The following AKAP6 variants were observed in gnomAD, a reference collection of about 807,000 sequenced individuals.
AKAP6 encodes A-kinase anchor protein 6.
Under a neutral mutation model 188.5 loss-of-function variants are expected in AKAP6, and 58 were observed. The ratio of observed to expected loss-of-function variants is 0.31; its 90% CI spans 0.25 to 0.38. The LOEUF (loss-of-function observed/expected upper bound fraction) is 0.38. AKAP6 is among the 10% of genes least tolerant of loss of function. AKAP6 has a pLI of 1.00. For missense variants in AKAP6, 2,710 were observed against 2,740.0 expected (o/e 0.99, Z 0.24); for synonymous variants, 989 against 998.6 (o/e 0.99, Z 0.18).
chr14:32,570,863 C>T (rs547833907), intron 4 of AKAP6, among the ~76,000 whole-genome samples: 2 of 152,272 alleles, frequency 1.3e-5, no homozygotes, highest in South Asian at 4.1e-4. Context: ...TAGTTCTTCT[C>T]TTCTGATTCC....
intron 4 of AKAP6, among the ~76,000 whole-genome samples, chr14:32,559,760 G>A (rs1209151941): frequency 1.3e-5 from 2 of 151,646 alleles, no homozygotes. Context: ...GTTGCGGTTG[G>A]GAGGTAGTCC....
intron 1 of AKAP6, among the ~76,000 whole-genome samples, chr14:32,406,849 C>A (rs970789020): frequency 6.6e-6 from 1 of 152,110 alleles, no homozygotes; most frequent in African/African-American, 2.4e-5. Context: ...AGTGTCTTAT[C>A]CTTACAGATT....
At chr14:32,563,563 C>T (rs150862809) in intron 4 of AKAP6, among the ~76,000 whole-genome samples, 1 of 152,172 alleles carries the variant, frequency 6.6e-6, no homozygotes, top group Non-Finnish European at 1.5e-5. Context: ...AATGCCACCA[C>T]CTTGTTTTTT....
In AKAP6 at chr14:32,465,137, T is replaced by C. The variant is rs141937344; in HGVS notation, c.324+31320T>C. Among the ~76,000 whole-genome samples the C allele has an allele frequency of 6.8e-3, 1,038 of 152,278 alleles. 3 individuals carry two copies. Among genetic ancestry groups the C allele is most frequent in the Non-Finnish European group, 0.011 (732 of 68,012 alleles). On this transcript the variant is annotated intron_variant, in intron 2 of 13. Coordinates refer to ENST00000280979, the MANE Select transcript of AKAP6 (RefSeq NM_004274.5). ...TTTCCATGCTCACGGATAGGAAGAA[T>C]CAATATCATGAAAATGGCCATACTG...
chr14:32,452,937 G>A (rs541957313), intron 2 of AKAP6, among the ~76,000 whole-genome samples: 30 of 152,276 alleles, frequency 2.0e-4, no homozygotes, highest in African/African-American at 6.0e-4. Flanking sequence ...CTACTGTCAC[G>A]TATAGTATTC....
intron 11 of AKAP6, 30 bp downstream of exon 11, chr14:32,735,912 A>G: frequency 6.6e-7 from 1 of 1,524,372 alleles, no homozygotes; most frequent in Non-Finnish European, 8.9e-7. Flanking sequence ...AGTTGATAAA[A>G]AGCTCTTTTT....
chr14:32,554,560 T>C (rs1166607891), intron 4 of AKAP6, among the ~76,000 whole-genome samples: 1 of 152,184 alleles, frequency 6.6e-6, no homozygotes, highest in Non-Finnish European at 1.5e-5. Context: ...CCATGAGATA[T>C]AGTCAAATGC....
intron 11 of AKAP6, among the ~76,000 whole-genome samples, chr14:32,751,498 C>CTTTTTTTTT (rs71432082): frequency 1.6e-5 from 2 of 122,546 alleles, no homozygotes; most frequent in Non-Finnish European, 3.3e-5. Flanking sequence ...TCTCTTTTCA[C>CTTTTTTTTT]TTTTTTTTTT....
At position 32,822,451 on chromosome 14, in the gene AKAP6, A is replaced by G; in HGVS notation, c.4638A>G (p.Ile1546Met). 1 of 1,614,088 alleles carries G rather than the reference A, an allele frequency of 6.2e-7. No individual in the cohort carries two copies. The highest frequency in any genetic ancestry group is 8.5e-7 in the Non-Finnish European group (1 of 1,179,972). ...GCATTTCATATAAAAGTGGCAATATAGAAAAGACATTCACTGGCATGCAGA... is the reference window on the plus strand; with the variant it reads ...GCATTTCATATAAAAGTGGCAATATGGAAAAGACATTCACTGGCATGCAGA... ...MDRISYKSGN[I>M]EKTFTGMQNA... The change falls in exon 13 of 14, where the codon ATA (isoleucine) becomes ATG (methionine). Residue 1546 changes from isoleucine to methionine, a missense_variant. Coordinates refer to ENST00000280979, the MANE Select transcript of AKAP6 (RefSeq NM_004274.5).
chr14:32,360,118 C>T (rs1887609585), intron 1 of AKAP6, among the ~76,000 whole-genome samples: 3 of 141,276 alleles, frequency 2.1e-5, no homozygotes, highest in Admixed American at 1.4e-4. Flanking sequence ...TGCAGTTATC[C>T]TCTTTTTCTT....
Position 32,783,626 on chromosome 14 carries a change from A to G in AKAP6, c.3588+9733A>G, listed in dbSNP as rs2033317618. ...CATTCCTTTTCTGAAGAACCAAACA[A>G]TGCTAATAACAGCTAACACATCGCA... On this transcript the variant is annotated intron_variant, in intron 12 of 13. Transcript: ENST00000280979. Among the ~76,000 whole-genome samples the G allele has an allele frequency of 3.9e-5, 6 of 152,162 alleles. 1 individual carries two copies. The South Asian group carries it at 1.0e-3, about 26-fold the overall frequency.
rs1201726365 is a variant in AKAP6, at chr14:32,821,524, C to A, written c.3711C>A (p.Asp1237Glu). ...KLISLNEESNDLDQELQPVIP... is the reference protein window; with the variant it reads ...KLISLNEESNELDQELQPVIP... ...TTAGTTTGAATGAGGAATCAAATGA[C>A]CTTGATCAAGAACTCCAACCTGTTA... The change falls in exon 13 of 14, where the codon GAC becomes GAA. Residue 1237 changes from aspartate to glutamate, a missense_variant. Asp to Glu is a conservative substitution (Grantham distance 45). Transcript: ENST00000280979. 2 of 1,613,558 alleles carry A rather than the reference C, an allele frequency of 1.2e-6. No individual in the cohort carries two copies. The highest frequency in any genetic ancestry group is 1.7e-6 in the Non-Finnish European group (2 of 1,179,836).
At chr14:32,522,047 C>T (rs1166332463) in intron 2 of AKAP6, among the ~76,000 whole-genome samples, 1 of 152,168 alleles carries the variant, frequency 6.6e-6, no homozygotes, top group Non-Finnish European at 1.5e-5. Flanking sequence ...CATCTACAAC[C>T]ATTTGATCTT....
In AKAP6 at chr14:32,494,197, C is replaced by T. The variant is rs1461654301; in HGVS notation, c.325-41357C>T. On this transcript the variant is annotated intron_variant, in intron 2 of 13. Coordinates refer to ENST00000280979, the MANE Select transcript of AKAP6 (RefSeq NM_004274.5). ...CAGCAAATCTCCAACCCAGGAAATT[C>T]TTCCCTATATCTAGCTATGCCCACC... 3 of 152,190 alleles carry T rather than the reference C, an allele frequency of 2.0e-5. No individual in the cohort carries two copies. The East Asian group carries it at 5.8e-4, about 29-fold the overall frequency. 9.4% of individuals were successfully genotyped at this position (152,190 alleles called of 1,614,324 possible).
At position 32,484,771 on chromosome 14, in the gene AKAP6, T is replaced by C. The variant is rs1445853313; in HGVS notation, c.325-50783T>C. ...ACAGTGTTCCAATGTCTTTGTGGTT[T>C]GTAGAGAACAATCAACGGTCGGCGA... On this transcript the variant is annotated intron_variant, in intron 2 of 13. Coordinates refer to ENST00000280979, the MANE Select transcript of AKAP6 (RefSeq NM_004274.5). 1.4e-5 allele frequency: 3 copies of C among 216,008 alleles called. 1 individual carries two copies. Among genetic ancestry groups the C allele is most frequent in the Non-Finnish European group, 2.0e-5 (3 of 148,422 alleles). 13.4% of individuals were successfully genotyped at this position (216,008 alleles called of 1,614,324 possible).
At chr14:32,734,764 C>G (rs1056463352) in intron 10 of AKAP6, among the ~76,000 whole-genome samples, 2 of 152,058 alleles carry the variant, frequency 1.3e-5, no homozygotes, top group Non-Finnish European at 2.9e-5. Context: ...TATTTTTCTG[C>G]TACAGTCTCC....
At chr14:32,415,054 G>T (rs1044165606) in intron 1 of AKAP6, among the ~76,000 whole-genome samples, 1 of 152,134 alleles carries the variant, frequency 6.6e-6, no homozygotes, top group Non-Finnish European at 1.5e-5. Context: ...AATATTTCAT[G>T]GACAGAGACA....
intron 4 of AKAP6, among the ~76,000 whole-genome samples, chr14:32,548,093 C>CTTTTTTT (rs71115082): frequency 3.8e-5 from 4 of 104,238 alleles, no homozygotes; most frequent in Admixed American, 1.0e-4. Context: ...CTCCCACATG[C>CTTTTTTT]TTTTTTTTTT....
intron 11 of AKAP6, among the ~76,000 whole-genome samples, chr14:32,747,385 A>G (rs2031955810): frequency 6.6e-6 from 1 of 152,222 alleles, no homozygotes; most frequent in South Asian, 2.1e-4. Flanking sequence ...GAATTACAGT[A>G]ACTCAGTCTA....
Sources: gnomAD v4.1 joint callset for allele counts (sites outside exome capture counted in the v4.1 genomes callset) on GRCh38, gnomAD v4.1.1 for gene constraint, MANE v1.5 for transcripts, NCBI Gene and HGNC (gene_info 2026-07-23, HGNC 2026-07-21) for gene names.